Variants in TMPRSS15 observed in about 807,000 individuals in gnomAD.
The protein encoded by TMPRSS15 is transmembrane serine protease 15.
A neutral mutation model predicts 125.3 loss-of-function variants in TMPRSS15; 128 were observed. That is an observed-to-expected ratio of 1.02 (90% CI 0.89 to 1.18). TMPRSS15 has a LOEUF of 1.18. Among genes scored for constraint, TMPRSS15 ranks in the 50% most tolerant of loss-of-function variants. The probability of loss-of-function intolerance (pLI) is 0.00; values close to 1 mark genes in which losing one functional copy is unlikely to be tolerated. For synonymous variants in TMPRSS15, 446 were observed against 423.2 expected (o/e 1.05, Z -0.66); for missense variants, 1,283 against 1,212.7 (o/e 1.06, Z -0.86).
intron 1 of TMPRSS15, among the ~76,000 whole-genome samples, chr21:18,468,485 G>A (rs756116281): frequency 3.3e-5 from 5 of 151,816 alleles, no homozygotes; most frequent in African/African-American, 4.8e-5. Flanking sequence ...CTAATTTCTG[G>A]TGCATAAACA....
chr21:18,444,615 C>G (rs1480611717), intron 1 of TMPRSS15, among the ~76,000 whole-genome samples: 1 of 152,006 alleles, frequency 6.6e-6, no homozygotes, highest in East Asian at 1.9e-4. Context: ...CACATGTACC[C>G]TAGAACTTAA....
At chr21:18,360,870 G>C (rs528544877) in intron 7 of TMPRSS15, among the ~76,000 whole-genome samples, 53 of 152,062 alleles carry the variant, frequency 3.5e-4, no homozygotes, top group African/African-American at 1.3e-3. Flanking sequence ...ACTTTCGGTA[G>C]TATGAACATT....
At chr21:18,464,889 A>T (rs2122955004) in intron 1 of TMPRSS15, among the ~76,000 whole-genome samples, 6 of 152,194 alleles carry the variant, frequency 3.9e-5, no homozygotes, top group African/African-American at 1.4e-4. Context: ...AAAAAGAGGC[A>T]CTCCTCCCTA....
intron 24 of TMPRSS15, among the ~76,000 whole-genome samples, chr21:18,273,310 T>C (rs1320697048): frequency 6.6e-6 from 1 of 152,218 alleles, no homozygotes. Context: ...AGAACTTAAA[T>C]AATGTATCAG....
chr21:18,340,417 T>G (rs1051569088), intron 13 of TMPRSS15, among the ~76,000 whole-genome samples: 1 of 152,114 alleles, frequency 6.6e-6, no homozygotes, highest in African/African-American at 2.4e-5. Context: ...ACAATCAGCT[T>G]TCCTACTTTT....
intron 3 of TMPRSS15, among the ~76,000 whole-genome samples, chr21:18,387,756 G>A (rs1442829049): frequency 6.6e-6 from 1 of 151,908 alleles, no homozygotes; most frequent in African/African-American, 2.4e-5. Flanking sequence ...GTATTGGAGT[G>A]CTAGAATTTG....
At chr21:18,291,304 G>A (rs2074831003) in intron 21 of TMPRSS15, among the ~76,000 whole-genome samples, 1 of 152,204 alleles carries the variant, frequency 6.6e-6, no homozygotes, top group South Asian at 2.1e-4. Context: ...TTAAGCCACA[G>A]GAAGGTTGGC....
intron 21 of TMPRSS15, among the ~76,000 whole-genome samples, chr21:18,291,726 A>G (rs1321599647): frequency 6.8e-6 from 1 of 146,356 alleles, no homozygotes; most frequent in African/African-American, 2.6e-5. Context: ...ATGAAGTAGA[A>G]AGCAAGAAAA....
chr21:18,406,582 C>T (rs889926780), upstream of TMPRSS15, among the ~76,000 whole-genome samples: 5 of 151,962 alleles, frequency 3.3e-5, no homozygotes, highest in African/African-American at 9.7e-5. Flanking sequence ...TATAGGTGGT[C>T]AATGTTAGTA....
chr21:18,292,276 T>C (rs1259977230), intron 21 of TMPRSS15, among the ~76,000 whole-genome samples: 4 of 152,168 alleles, frequency 2.6e-5, no homozygotes, highest in South Asian at 2.1e-4. Flanking sequence ...AGACAGGGCG[T>C]TCCTTCTCTT....
chr21:18,433,461 C>T (rs1490555323), intron 1 of TMPRSS15, among the ~76,000 whole-genome samples: 2 of 151,586 alleles, frequency 1.3e-5, no homozygotes, highest in African/African-American at 2.4e-5. Context: ...GGGAGGCAGA[C>T]GAGGGCAGAT....
intron 21 of TMPRSS15, among the ~76,000 whole-genome samples, chr21:18,288,920 T>G (rs886838807): frequency 1.1e-4 from 17 of 152,104 alleles, no homozygotes; most frequent in Admixed American, 4.6e-4. Flanking sequence ...ACATTATATA[T>G]TACAAGCCTA....
upstream of TMPRSS15, among the ~76,000 whole-genome samples, chr21:18,404,719 T>C (rs2076134557): frequency 6.6e-6 from 1 of 152,046 alleles, no homozygotes; most frequent in South Asian, 2.1e-4. Flanking sequence ...TGGAAACCCC[T>C]AACACACTGA....
chr21:18,411,558 C>G (rs564129699), intron 1 of TMPRSS15, among the ~76,000 whole-genome samples: 6 of 152,260 alleles, frequency 3.9e-5, no homozygotes, highest in African/African-American at 1.4e-4. Context: ...TCTTTTAAAA[C>G]ATTTTCTGAA....
Position 18,275,197 on chromosome 21 carries a change from C to A in TMPRSS15, c.2904G>T (p.Gln968His). The change falls in exon 24 of 25, where the codon CAG becomes CAT. Residue 968 changes from glutamine (Q) to histidine (H), a missense_variant and splice_region_variant. Gln to His is a conservative substitution (Grantham distance 24). Transcript: ENST00000284885. ...GYEEGGIDSC[Q>H]GDSGGPLMCQ... ...ACAGTGAGCAGTTTTACATCTTTAC[C>A]TGACAAGAATCTATTCCTCCTTCTT... is the stretch of plus-strand genomic sequence containing the variant. 2 of 1,613,720 alleles carry A rather than the reference C, an allele frequency of 1.2e-6. No homozygotes were observed. The highest frequency in any genetic ancestry group is 1.1e-5 in the South Asian group (1 of 91,052).
chr21:18,474,029 C>T (rs941418753), intron 1 of TMPRSS15, among the ~76,000 whole-genome samples: 2 of 152,066 alleles, frequency 1.3e-5, no homozygotes, highest in Non-Finnish European at 1.5e-5. Context: ...AGACTAGAAG[C>T]TAGTGATCAT....
Position 18,275,327 on chromosome 21 carries a change from G to C in TMPRSS15, c.2774C>G (p.Ala925Gly). Residue 925 changes from alanine (A) to glycine (G), a missense_variant, in exon 24 of 25, where the codon GCA (alanine) becomes GGA (glycine). Physicochemically the swap from Ala to Gly is moderately conservative, Grantham distance 60. Coordinates refer to ENST00000284885, the MANE Select transcript of TMPRSS15 (RefSeq NM_002772.3). ...AACATCAGCTTCTTGCAATATGTTT[G>C]CAGTAGTACCTGCTCAAAATGGAGA... ...WGTVVYQGTT[A>G]NILQEADVPL... The C allele has an allele frequency of 1.2e-6, 2 of 1,613,902 alleles. No homozygotes were observed. The highest frequency in any genetic ancestry group is 1.1e-5 in the South Asian group (1 of 91,080).
At chr21:18,384,128 T>G (rs954558685) in intron 3 of TMPRSS15, among the ~76,000 whole-genome samples, 1 of 152,152 alleles carries the variant, frequency 6.6e-6, no homozygotes, top group Non-Finnish European at 1.5e-5. Flanking sequence ...TTTTACTGTT[T>G]GGAGAAAAGA....
chr21:18,440,253 G>A (rs1455213774), intron 1 of TMPRSS15, among the ~76,000 whole-genome samples: 8 of 150,356 alleles, frequency 5.3e-5, no homozygotes, highest in East Asian at 2.0e-4. Flanking sequence ...CGCGCCTGTA[G>A]TCCCAGCTAC....
Sources: gnomAD v4.1 joint callset for allele counts (sites outside exome capture counted in the v4.1 genomes callset) on GRCh38, gnomAD v4.1.1 for gene constraint, MANE v1.5 for transcripts, NCBI Gene and HGNC (gene_info 2026-07-23, HGNC 2026-07-21) for gene names.